RBFOX1: variants seen among roughly 807,000 people sequenced by gnomAD.
RBFOX1 encodes the protein RNA binding fox-1 homolog 1, also known as RNA binding protein fox-1 homolog 1.
In RBFOX1, 8 loss-of-function variants were observed where a neutral mutation model predicts 57.7. That is an observed-to-expected ratio of 0.14 (90% CI 0.08 to 0.25). The LOEUF (loss-of-function observed/expected upper bound fraction) is 0.25. RBFOX1 is among the 10% of genes least tolerant of loss of function. RBFOX1 has a pLI of 1.00. For synonymous variants in RBFOX1, 326 were observed against 222.4 expected (o/e 1.47, Z -4.15); for missense variants, 611 against 548.5 (o/e 1.11, Z -1.14).
At chr16:6,778,758 A>G (rs1333030803) in intron 3 of RBFOX1, among the ~76,000 whole-genome samples, 1 of 151,950 alleles carries the variant, frequency 6.6e-6, no homozygotes, top group African/African-American at 2.4e-5. Flanking sequence ...ATGATTGTGA[A>G]TTTTCTTGTT....
At chr16:6,691,313 C>A (rs2060174760) in intron 3 of RBFOX1, among the ~76,000 whole-genome samples, 1 of 152,026 alleles carries the variant, frequency 6.6e-6, no homozygotes, top group South Asian at 2.1e-4. Context: ...AGCTTTAAGC[C>A]CGTAATAAAC....
chr16:5,924,460 T>C (rs2058900293), intron 4 of RBFOX1, among the ~76,000 whole-genome samples: 1 of 152,150 alleles, frequency 6.6e-6, no homozygotes. Flanking sequence ...GGTAAATGAA[T>C]TCTCTATTCA....
intron 2 of RBFOX1, among the ~76,000 whole-genome samples, chr16:6,450,777 A>ATATACATATACATATATATG: frequency 2.5e-5 from 1 of 39,526 alleles, no homozygotes; most frequent in Non-Finnish European, 4.5e-5. Flanking sequence ...GTATATATAT[A>ATATACATATACATATATATG]TATATATATA....
At chr16:7,530,596 G>T (rs575477741) in intron 5 of RBFOX1, among the ~76,000 whole-genome samples, 1 of 152,126 alleles carries the variant, frequency 6.6e-6, no homozygotes, top group South Asian at 2.1e-4. Context: ...GCAATGTCAT[G>T]CGTTCCTGCC....
At chr16:5,411,586 A>AT (rs1347600598) in intron 1 of RBFOX1, among the ~76,000 whole-genome samples, 1 of 152,180 alleles carries the variant, frequency 6.6e-6, no homozygotes, top group Admixed American at 6.5e-5. Flanking sequence ...GTTTGTGGCA[A>AT]TTTGTTACAG....
chr16:5,900,683 C>T (rs1049312852), intron 4 of RBFOX1, among the ~76,000 whole-genome samples: 3 of 152,180 alleles, frequency 2.0e-5, no homozygotes, highest in African/African-American at 7.2e-5. Context: ...CAAATCGCAG[C>T]TCTCCAGCAA....
chr16:6,815,129 G>T (rs1209494810), intron 3 of RBFOX1, among the ~76,000 whole-genome samples: 1 of 152,146 alleles, frequency 6.6e-6, no homozygotes, highest in African/African-American at 2.4e-5. Flanking sequence ...GTAACTTCCG[G>T]GTGTTGCTAC....
chr16:7,368,658 T>G (rs531522396), intron 4 of RBFOX1, among the ~76,000 whole-genome samples: 1 of 151,766 alleles, frequency 6.6e-6, no homozygotes, highest in African/African-American at 2.4e-5. Context: ...CGGGCACCTG[T>G]AGTCCCAGCT....
exon 3 of RBFOX1, chr16:5,599,357 A>T (rs1426021354): frequency 4.9e-6 from 3 of 607,160 alleles, no homozygotes; most frequent in Non-Finnish European, 8.8e-6. Context: ...AAGGACAGGA[A>T]TGCTTACTGA....
Position 6,924,169 on chromosome 16 carries a change from AAAT to A in RBFOX1, c.-15-127865_-15-127863del, listed in dbSNP as rs34239520. On this transcript the variant is annotated intron_variant, in intron 3 of 15. Transcript: ENST00000550418. ...GGGTGACAGGAAGACTCTGTCTCAA[AAAT>A]AATAATAATAATAATAATAATAGCA... Among the ~76,000 whole-genome samples the A allele has an allele frequency of 4.0e-4, 59 of 146,734 alleles. No individual in the cohort carries two copies. In the East Asian group the frequency reaches 4.6e-3, roughly 12 times the overall value.
At chr16:6,110,576 T>C (rs1169865215) in intron 1 of RBFOX1, among the ~76,000 whole-genome samples, 1 of 152,152 alleles carries the variant, frequency 6.6e-6, no homozygotes, top group Non-Finnish European at 1.5e-5. Context: ...CCAATTAAGA[T>C]GGATCCATGA....
intron 3 of RBFOX1, among the ~76,000 whole-genome samples, chr16:6,896,856 A>C (rs1167908192): frequency 1.3e-5 from 2 of 152,210 alleles, no homozygotes; most frequent in Non-Finnish European, 2.9e-5. Context: ...TATAAAAATC[A>C]GTGGAAGAGT....
At chr16:5,893,365 G>T (rs1258791015) in intron 4 of RBFOX1, among the ~76,000 whole-genome samples, 1 of 152,186 alleles carries the variant, frequency 6.6e-6, no homozygotes, top group African/African-American at 2.4e-5. Context: ...ATAACAGGGA[G>T]ACTATAGTCA....
intron 4 of RBFOX1, among the ~76,000 whole-genome samples, chr16:7,466,387 T>C (rs1235570995): frequency 6.6e-6 from 1 of 152,214 alleles, no homozygotes; most frequent in Non-Finnish European, 1.5e-5. Flanking sequence ...TCTCATTAAA[T>C]TCATACCACT....
chr16:7,131,331 G>A (rs932943075), intron 4 of RBFOX1, among the ~76,000 whole-genome samples: 5 of 135,578 alleles, frequency 3.7e-5, no homozygotes, highest in African/African-American at 8.3e-5. Flanking sequence ...GGGCATTGCA[G>A]CGAGACTGTC....
intron 4 of RBFOX1, among the ~76,000 whole-genome samples, chr16:7,368,696 C>T (rs1013780134): frequency 1.3e-5 from 2 of 150,984 alleles, no homozygotes; most frequent in Admixed American, 6.6e-5. Context: ...AGGAGCATGG[C>T]GTGAACCTGG....
At position 7,416,072 on chromosome 16, in the gene RBFOX1, TTC is replaced by T. The variant is rs568146380; in HGVS notation, c.28-102073_28-102072del. Among the ~76,000 whole-genome samples the T allele has an allele frequency of 2.7e-3, 411 of 152,278 alleles. 2 individuals carry two copies. The highest frequency in any genetic ancestry group is 9.6e-3 in the African/African-American group (398 of 41,548). On this transcript the variant is annotated intron_variant, in intron 4 of 15. Transcript: ENST00000550418. ...CTCTTTTTCTCTTCTTGTCCTTTCT[TTC>T]TTATTAAACCTCCAGCCCCCCAATC...
intron 5 of RBFOX1, among the ~76,000 whole-genome samples, chr16:7,565,026 T>G (rs754176490): frequency 2.0e-5 from 3 of 152,198 alleles, no homozygotes; most frequent in African/African-American, 4.8e-5. Flanking sequence ...GTGATTAACT[T>G]ATTTGTTTGC....
chr16:7,111,028 GCA>G (rs368193385), intron 4 of RBFOX1, among the ~76,000 whole-genome samples: 1 of 151,924 alleles, frequency 6.6e-6, no homozygotes, highest in East Asian at 1.9e-4. Flanking sequence ...GAAGGGCATG[GCA>G]CACACACACA....
Sources: allele counts gnomAD v4.1 joint callset (sites outside exome capture counted in the v4.1 genomes callset), GRCh38; gene constraint gnomAD v4.1.1; transcripts MANE v1.5; gene names NCBI Gene and HGNC (gene_info 2026-07-23, HGNC 2026-07-21).